Variants in LGALS12 observed in about 807,000 individuals in gnomAD.
LGALS12 encodes galectin 12, also known as galectin-12.
In LGALS12, 36 loss-of-function variants were observed where a neutral mutation model predicts 36.8. The observed-to-expected ratio is 0.98, with a 90% CI of 0.75 to 1.29. LGALS12 has a LOEUF of 1.29. Among genes scored for constraint, LGALS12 ranks in the 50% most tolerant of loss-of-function variants. The pLI, the probability that LGALS12 is intolerant of heterozygous loss-of-function variation, is 0.00. For missense variants in LGALS12, 366 were observed against 394.3 expected (o/e 0.93, Z 0.61); for synonymous variants, 145 against 155.9 (o/e 0.93, Z 0.52).
At position 63,506,408 on chromosome 11, in the gene LGALS12, G is replaced by C. The variant is rs760830714; in HGVS notation, c.-51G>C. The C allele has an allele frequency of 9.3e-6, 15 of 1,614,230 alleles. No individual in the cohort carries two copies. The South Asian group carries it at 1.5e-4, about 17-fold the overall frequency. ...ACTGGGGCAGATGAGTCAGCCCAGTGGGGGCAGGGCTCCTGGAACGAGGAT... is the reference window on the plus strand; with the variant it reads ...ACTGGGGCAGATGAGTCAGCCCAGTCGGGGCAGGGCTCCTGGAACGAGGAT... On this transcript the variant is annotated 5_prime_UTR_variant, in exon 1 of 9. Transcript: ENST00000394618.
intron 1 of LGALS12, chr11:63,508,092 C>T: frequency 9.9e-7 from 1 of 1,009,362 alleles, no homozygotes; most frequent in Non-Finnish European, 1.2e-6. Flanking sequence ...TGTTAAGTGC[C>T]TCTCCAGGGG....
intron 8 of LGALS12, 92 bp from the exon 9 acceptor site, chr11:63,516,155 T>G: frequency 1.7e-4 from 252 of 1,463,002 alleles, no homozygotes; most frequent in Non-Finnish European, 2.1e-4. Flanking sequence ...TCGTGTCCTA[T>G]GAGAGGAGGA....
At chr11:63,511,958 T>C in intron 7 of LGALS12, 118 bp downstream of exon 7, 1 of 762,984 alleles carries the variant, frequency 1.3e-6, no homozygotes, top group Non-Finnish European at 2.3e-6. Flanking sequence ...ATTTTACAGA[T>C]GAGGAAACAG....
At position 63,508,590 on chromosome 11, in the gene LGALS12, A is replaced by G. The variant is rs2120356407; in HGVS notation, c.107A>G (p.His36Arg). ...PYVTTIFGGL[H>R]AGKMVMLQGV... Reference sequence around the variant, plus strand: ...GTCACGACGATTTTTGGAGGCCTGCATGCAGGCAAGATGGTCATGCTGCAA... The same window carrying G: ...GTCACGACGATTTTTGGAGGCCTGCGTGCAGGCAAGATGGTCATGCTGCAA... The change falls in exon 2 of 9, where the codon CAT (histidine) becomes CGT (arginine). Residue 36 changes from histidine to arginine, a missense_variant. Transcript: ENST00000394618. 2 of 1,614,136 alleles carry G rather than the reference A, an allele frequency of 1.2e-6. No homozygotes were observed. Among genetic ancestry groups the G allele is most frequent in the African/African-American group, 1.3e-5 (1 of 75,024 alleles).
At chr11:63,510,015 C>A in intron 4 of LGALS12, 118 bp downstream of exon 4, 1 of 1,242,282 alleles carries the variant, frequency 8.0e-7, no homozygotes, top group Non-Finnish European at 1.1e-6. Context: ...CCCTGTGCAC[C>A]AGTAATAGCC....
In LGALS12 at chr11:63,509,862, A is replaced by G. The variant is rs117587231; in HGVS notation, c.457A>G (p.Ile153Val). The G allele has an allele frequency of 0.011, 17,694 of 1,614,094 alleles. 165 individuals are homozygous for G. The highest frequency in any genetic ancestry group is 0.012 in the Non-Finnish European group (13,864 of 1,179,966). The change falls in exon 4 of 9, where the codon ATC (isoleucine) becomes GTC (valine). Residue 153 changes from isoleucine (I) to valine (V), a missense_variant. Transcript: ENST00000394618. ...HVDTLGIFGD[I>V]LVEAVGFLNI... ...GGACACGCTGGGTATATTTGGTGAC[A>G]TCCTGGTAGAGGCTGTTGGATTCCT...
At chr11:63,516,191 C>A in intron 8 of LGALS12, 56 bp from the exon 9 acceptor site, 11 of 1,518,810 alleles carry the variant, frequency 7.2e-6, no homozygotes, top group Non-Finnish European at 9.6e-6. Flanking sequence ...GAGCGTCAGG[C>A]AGACAAGGGA....
intron 7 of LGALS12, among the ~76,000 whole-genome samples, chr11:63,513,816 C>T (rs532490252): frequency 1.8e-3 from 276 of 152,188 alleles, no homozygotes; most frequent in Non-Finnish European, 2.8e-3. Context: ...CAAAGAGCTT[C>T]AACAGAGCTT....
chr11:63,506,575 C>A (rs1329060104), intron 1 of LGALS12, 48 bp downstream of exon 1: 1 of 1,611,932 alleles, frequency 6.2e-7, no homozygotes, highest in Non-Finnish European at 8.5e-7. Flanking sequence ...TGGGCTCTTC[C>A]CTTCCAACTG....
intron 5 of LGALS12, 106 bp from the exon 6 acceptor site, chr11:63,510,971 TGA>T: frequency 1.8e-6 from 2 of 1,122,952 alleles, no homozygotes; most frequent in Non-Finnish European, 2.7e-6. Context: ...CCTACTGCTG[TGA>T]GAGAGACAAG....
chr11:63,507,809 A>G (rs907186655), intron 1 of LGALS12, among the ~76,000 whole-genome samples: 1 of 132,094 alleles, frequency 7.6e-6, no homozygotes, highest in East Asian at 2.1e-4. Context: ...ATCTCAGCTC[A>G]CTGCAACCTC....
rs371437206 is a variant in LGALS12, at chr11:63,511,062, C to G, written c.532-17C>G. 3 of 1,613,332 alleles carry G rather than the reference C, an allele frequency of 1.9e-6. No homozygotes were observed. The highest frequency in any genetic ancestry group is 2.7e-5 in the African/African-American group (2 of 74,944). On this transcript the variant is annotated splice_polypyrimidine_tract_variant and intron_variant, in intron 5 of 8. Transcript: ENST00000394618. The stretch of plus-strand genomic sequence containing the variant: ...AATACCACATGGCCTTGTGTCCTCT[C>G]TTTCTTTCCCTGACAGCCTTTCCTG...
At position 63,516,437 on chromosome 11, in the gene LGALS12, C is replaced by G. The variant is rs2017087772; in HGVS notation, c.*44C>G. On this transcript the variant is annotated 3_prime_UTR_variant, in exon 9 of 9. Coordinates refer to ENST00000394618, the MANE Select transcript of LGALS12 (RefSeq NM_033101.4). ...ACCGCCAGAAAACAAGAAGGTCAGC[C>G]CACTCCCAGGGCCCCACTCTCCTCC... is the stretch of plus-strand genomic sequence containing the variant. 2.5e-6 allele frequency: 4 copies of G among 1,610,140 alleles called. No individual in the cohort carries two copies. The highest frequency in any genetic ancestry group is 3.4e-6 in the Non-Finnish European group (4 of 1,178,480).
rs201258341 is a variant in LGALS12 at position 63,509,006 on chromosome 11, G to A, written c.372+15G>A. 1,692 of 1,598,662 alleles carry A rather than the reference G, an allele frequency of 1.1e-3. 1 individual carries two copies. The highest frequency in any genetic ancestry group is 1.1e-3 in the Non-Finnish European group (1,253 of 1,166,436). On this transcript the variant is annotated intron_variant, in intron 3 of 8. Coordinates refer to ENST00000394618, the MANE Select transcript of LGALS12 (RefSeq NM_033101.4). ...AGGAAGTGAAGGTGAAGGAAGGGAC[G>A]GGCATTGGGTGGTCTAGAATTTGTG...
At position 63,516,524 on chromosome 11, in the gene LGALS12, G is replaced by A; in HGVS notation, c.*131G>A. 1 of 1,090,914 alleles carries A rather than the reference G, an allele frequency of 9.2e-7. No individual in the cohort carries two copies. The highest frequency in any genetic ancestry group is 1.3e-6 in the Non-Finnish European group (1 of 742,698). 67.6% of individuals were successfully genotyped at this position (1,090,914 alleles called of 1,614,324 possible). On this transcript the variant is annotated 3_prime_UTR_variant, in exon 9 of 9. Coordinates refer to ENST00000394618, the MANE Select transcript of LGALS12 (RefSeq NM_033101.4). ...GCCTGGTTCACCTCTGGGGTCACGA[G>A]ACTGAGTCTACAGGAGCTTTGGGCC...
chr11:63,506,608 G>A lies in LGALS12; in HGVS notation c.69+81G>A. 3.2e-6 allele frequency: 5 copies of A among 1,570,960 alleles called. No homozygotes were observed. The South Asian group carries it at 5.6e-5, about 18-fold the overall frequency. On this transcript the variant is annotated intron_variant, in intron 1 of 8. Transcript: ENST00000394618. Reference sequence around the variant, plus strand: ...CTGGGCCCACACTCCTGGGTGGTGGGGTGGAAAGGACCTCAGTCTTTCTGC... The same window carrying A: ...CTGGGCCCACACTCCTGGGTGGTGGAGTGGAAAGGACCTCAGTCTTTCTGC...
intron 7 of LGALS12, among the ~76,000 whole-genome samples, chr11:63,513,630 C>T (rs1443128898): frequency 2.0e-5 from 3 of 152,190 alleles, no homozygotes; most frequent in South Asian, 2.1e-4. Context: ...TGGTATTTAG[C>T]GAGGCTGCAA....
chr11:63,513,068 C>T (rs1051521511), intron 7 of LGALS12, among the ~76,000 whole-genome samples: 1 of 152,174 alleles, frequency 6.6e-6, no homozygotes, highest in Non-Finnish European at 1.5e-5. Context: ...CACTCGATGG[C>T]CTCGGCCTCC....
Position 63,508,624 on chromosome 11 carries a change from C to A in LGALS12, c.141C>A (p.Val47=). 6.2e-7 allele frequency: 1 copy of A among 1,614,098 alleles called. No homozygotes were observed. Among genetic ancestry groups the A allele is most frequent in the African/African-American group, 1.3e-5 (1 of 75,018 alleles). Residue 47 remains valine, a synonymous_variant, in exon 2 of 9, where the codon GTC becomes GTA. Transcript: ENST00000394618. The part of the protein sequence containing the change: ...AGKMVMLQGV[V]PLDAHRFQVD... ...AGATGGTCATGCTGCAAGGAGTGGT[C>A]CCTCTAGATGCACACAGGTAAGGCG...
Sources: gnomAD v4.1 joint callset for allele counts (sites outside exome capture counted in the v4.1 genomes callset) on GRCh38, gnomAD v4.1.1 for gene constraint, MANE v1.5 for transcripts, NCBI Gene and HGNC (gene_info 2026-07-23, HGNC 2026-07-21) for gene names.